CHLSN: variants seen among roughly 807,000 people sequenced by gnomAD.
CHLSN encodes protein cholesin.
chr7:994,166 TTTA>T, the CHLSN span, among the ~76,000 whole-genome samples: 1 of 152,148 alleles, frequency 6.6e-6, no homozygotes, highest in Non-Finnish European at 1.5e-5. Flanking sequence ...TTTTTATGTA[TTTA>T]TTTTTTCAGA....
the CHLSN span, among the ~76,000 whole-genome samples, chr7:1,051,029 C>T: frequency 1.3e-5 from 2 of 152,182 alleles, no homozygotes; most frequent in Non-Finnish European, 2.9e-5. Flanking sequence ...GGTGGGAGTG[C>T]GCAGCCCCGC....
At chr7:1,116,018 GGAT>G in the CHLSN span, among the ~76,000 whole-genome samples, 26 of 123,078 alleles carry the variant, frequency 2.1e-4, no homozygotes, top group East Asian at 6.9e-4. Context: ...CGCCCACGCA[GGAT>G]GATGACATCA....
the CHLSN span, among the ~76,000 whole-genome samples, chr7:1,120,082 A>T: frequency 6.6e-6 from 1 of 152,204 alleles, no homozygotes; most frequent in South Asian, 2.1e-4. Flanking sequence ...TTATATCTCA[A>T]TAAAAAGCTG....
At chr7:1,058,233 T>C in the CHLSN span, 6 of 763,004 alleles carry the variant, frequency 7.9e-6, no homozygotes, top group South Asian at 6.8e-5. Context: ...GGCCACCGTG[T>C]GCACGCAGTT....
chr7:1,084,581 C>T, the CHLSN span, among the ~76,000 whole-genome samples: 1 of 152,240 alleles, frequency 6.6e-6, no homozygotes, highest in Non-Finnish European at 1.5e-5. Flanking sequence ...TGCCGCCCCA[C>T]CCTTGCCCCT....
At chr7:1,137,481 G>A in the CHLSN span, 1 of 152,272 alleles carries the variant, frequency 6.6e-6, no homozygotes, top group South Asian at 2.1e-4. Flanking sequence ...AATGACGGAA[G>A]GAAGGAAACG....
At chr7:1,131,132 A>G in the CHLSN span, among the ~76,000 whole-genome samples, 1 of 148,520 alleles carries the variant, frequency 6.7e-6, no homozygotes, top group Admixed American at 6.7e-5. Flanking sequence ...TCGAGGCTGC[A>G]GTGAGCCATG....
the CHLSN span, among the ~76,000 whole-genome samples, chr7:1,134,113 TA>T: frequency 2.6e-5 from 4 of 151,962 alleles, no homozygotes; most frequent in Admixed American, 6.6e-5. Flanking sequence ...TATATATATA[TA>T]TTTTTTTAAT....
chr7:1,017,744 C>T, the CHLSN span, among the ~76,000 whole-genome samples: 4 of 152,032 alleles, frequency 2.6e-5, no homozygotes, highest in South Asian at 4.2e-4. Flanking sequence ...AAGGGGCAGC[C>T]GCGGACGGCG....
the CHLSN span, among the ~76,000 whole-genome samples, chr7:1,072,541 G>A: frequency 6.6e-6 from 1 of 152,208 alleles, no homozygotes; most frequent in South Asian, 2.1e-4. Flanking sequence ...CTGAGACACA[G>A]AGCTTTCCAA....
chr7:1,000,675 G>A, the CHLSN span: 1 of 732,678 alleles, frequency 1.4e-6, no homozygotes, highest in South Asian at 1.8e-5. Flanking sequence ...TACACACCAA[G>A]GCCTCATGTG....
the CHLSN span, chr7:1,010,045 T>C: frequency 1.6e-5 from 25 of 1,611,576 alleles, 2 homozygotes; most frequent in South Asian, 2.7e-4. Flanking sequence ...GCCTCTCCTC[T>C]TTCTTCCGTT....
chr7:1,016,856 CACACA>C, the CHLSN span, among the ~76,000 whole-genome samples: 7 of 47,102 alleles, frequency 1.5e-4, no homozygotes, highest in Admixed American at 9.8e-4. Context: ...CACACAGCAG[CACACA>C]GCACACAGCA....
At chr7:998,091 G>A in the CHLSN span, among the ~76,000 whole-genome samples, 8 of 152,184 alleles carry the variant, frequency 5.3e-5, no homozygotes, top group Non-Finnish European at 1.0e-4. Flanking sequence ...GAGAAAATAC[G>A]ACACAAATTA....
the CHLSN span, among the ~76,000 whole-genome samples, chr7:1,016,350 C>T: frequency 2.3e-5 from 2 of 85,832 alleles, no homozygotes; most frequent in Admixed American, 1.2e-4. Context: ...CAGCAGCGCA[C>T]GCCAGCGCAC....
the CHLSN span, among the ~76,000 whole-genome samples, chr7:989,920 G>A: frequency 7.2e-6 from 1 of 139,674 alleles, no homozygotes; most frequent in Non-Finnish European, 1.5e-5. Flanking sequence ...CGGTGTGGTC[G>A]GCAGTGTGAG....
At chr7:1,053,693 G>A in the CHLSN span, among the ~76,000 whole-genome samples, 1 of 152,212 alleles carries the variant, frequency 6.6e-6, no homozygotes, top group Admixed American at 6.5e-5. Flanking sequence ...TGGGTGTGGT[G>A]GCAGTCGCCT....
chr7:1,079,985 C>A, the CHLSN span, among the ~76,000 whole-genome samples: 5 of 152,372 alleles, frequency 3.3e-5, no homozygotes, highest in South Asian at 1.0e-3. Flanking sequence ...AGGAACGAGT[C>A]CCACAAGCCC....
At chr7:1,049,323 G>A in the CHLSN span, among the ~76,000 whole-genome samples, 1 of 152,266 alleles carries the variant, frequency 6.6e-6, no homozygotes, top group African/African-American at 2.4e-5. Context: ...TTCCAGGCCA[G>A]GGCTGGTAAC....
Sources: gnomAD v4.1 joint callset for allele counts (sites outside exome capture counted in the v4.1 genomes callset) on GRCh38, gnomAD v4.1.1 for gene constraint, MANE v1.5 for transcripts, NCBI Gene and HGNC (gene_info 2026-07-23, HGNC 2026-07-21) for gene names.